Variants in GAK observed in about 807,000 individuals in gnomAD.
GAK encodes the protein cyclin G associated kinase.
A neutral mutation model predicts 143.9 loss-of-function variants in GAK; 79 were observed. That is an observed-to-expected ratio of 0.55 (90% CI 0.46 to 0.66). The LOEUF is 0.66. Among genes scored for constraint, GAK ranks in the 30% least tolerant of loss-of-function variants. The pLI, the probability that GAK is intolerant of heterozygous loss-of-function variation, is 0.00. For missense variants in GAK, 1,693 were observed against 1,779.7 expected, an observed-to-expected ratio of 0.95 and a Z score of 0.88; for synonymous variants, 881 against 765.5, an observed-to-expected ratio of 1.15 and a Z score of -2.49.
In GAK at chr4:849,923, C is replaced by T. The variant is rs1388117475; in HGVS notation, c.3803G>A (p.Arg1268His). The T allele has an allele frequency of 5.0e-6, 8 of 1,608,628 alleles. No individual in the cohort carries two copies. The highest frequency in any genetic ancestry group is 4.0e-5 in the African/African-American group (3 of 74,132). Residue 1268 changes from arginine (R) to histidine (H), a missense_variant, in exon 27 of 28, where the codon CGC (arginine) becomes CAC (histidine). Arg to His is a conservative substitution (Grantham distance 29). Coordinates refer to ENST00000314167, the MANE Select transcript of GAK (RefSeq NM_005255.4). The part of the protein sequence containing the change: ...VAPEQVKKHY[R>H]RAVLAVHPDK... ...GGGGTGCACAGCCAGCACCGCGCGG[C>T]GATAGTGCTTCTTCACTTGCTCCGG...
intron 1 of GAK, among the ~76,000 whole-genome samples, chr4:916,772 G>A (rs1274137145): frequency 1.3e-5 from 2 of 152,178 alleles, no homozygotes; most frequent in African/African-American, 4.8e-5. Flanking sequence ...AATCACTCTG[G>A]AAAACATGTT....
At chr4:922,190 C>T (rs140475882) in intron 1 of GAK, among the ~76,000 whole-genome samples, 20 of 152,226 alleles carry the variant, frequency 1.3e-4, no homozygotes, top group African/African-American at 4.6e-4. Flanking sequence ...AAGATGAAGA[C>T]ACACCAGAGA....
intron 1 of GAK, among the ~76,000 whole-genome samples, chr4:928,786 G>A (rs1468291572): frequency 1.3e-5 from 2 of 151,708 alleles, no homozygotes; most frequent in East Asian, 3.9e-4. Flanking sequence ...TTGGTGAGAC[G>A]GAGATTTACT....
At chr4:914,830 C>T (rs1430468980) in intron 1 of GAK, among the ~76,000 whole-genome samples, 6 of 133,342 alleles carry the variant, frequency 4.5e-5, no homozygotes, top group Admixed American at 7.6e-5. Flanking sequence ...CCAACGTACA[C>T]GGCCCCCAAC....
Position 876,580 on chromosome 4 carries a change from C to A in GAK, c.2004G>T (p.Gln668His), listed in dbSNP as rs1157486610. Residue 668 changes from glutamine (Q) to histidine (H), a missense_variant, in exon 18 of 28, where the codon CAG (glutamine) becomes CAT (histidine). This residue lies in a region of GAK where 871 missense variants were observed against 991.0 expected (regional missense o/e 0.88). Coordinates refer to ENST00000314167, the MANE Select transcript of GAK (RefSeq NM_005255.4). Reference protein sequence around the residue: ...KMASMKMFQIQFHTGFVPRNA... With the variant: ...KMASMKMFQIHFHTGFVPRNA... ...TCCGAGGCACAAACCCCGTGTGGAA[C>A]TGAATCTGGAACATCTTCATGGATG... 6.2e-7 allele frequency: 1 copy of A among 1,614,216 alleles called. No individual in the cohort carries two copies. The highest frequency in any genetic ancestry group is 8.5e-7 in the Non-Finnish European group (1 of 1,180,044).
chr4:856,328 AC>A (rs1468707173), intron 24 of GAK, among the ~76,000 whole-genome samples: 6 of 116,972 alleles, frequency 5.1e-5, no homozygotes, highest in African/African-American at 1.1e-4. Context: ...ACACCTGCTC[AC>A]CACAGCTGCT....
chr4:865,973 T>C (rs774060424), intron 22 of GAK, among the ~76,000 whole-genome samples: 31 of 152,212 alleles, frequency 2.0e-4, no homozygotes, highest in Non-Finnish European at 4.0e-4. Flanking sequence ...CCAGGTCAGC[T>C]TCCCGGACCC....
intron 21 of GAK, among the ~76,000 whole-genome samples, 182 bp downstream of exon 21, chr4:866,774 C>A (rs1159764469): frequency 1.3e-5 from 2 of 152,192 alleles, no homozygotes. Context: ...GCTCCCGGCC[C>A]GTGAGCTCAG....
At chr4:909,418 T>C (rs1018456847) in intron 4 of GAK, among the ~76,000 whole-genome samples, 2 of 152,070 alleles carry the variant, frequency 1.3e-5, no homozygotes, top group African/African-American at 2.4e-5. Flanking sequence ...CACAGGAGCC[T>C]TGACGAGGCC....
At chr4:927,758 C>T (rs1358245758) in intron 1 of GAK, among the ~76,000 whole-genome samples, 6 of 151,312 alleles carry the variant, frequency 4.0e-5, no homozygotes, top group Non-Finnish European at 7.4e-5. Flanking sequence ...CTGCCCCGCA[C>T]CCCTCCCTGC....
intron 20 of GAK, 63 bp from the exon 21 acceptor site, chr4:867,495 GGC>G (rs1751424637): frequency 8.1e-7 from 1 of 1,238,696 alleles, no homozygotes; most frequent in African/African-American, 1.5e-5. Context: ...GGGTCCCCAC[GGC>G]GCGTCCCTTC....
At chr4:881,176 T>G (rs1392008097) in intron 15 of GAK, among the ~76,000 whole-genome samples, 1 of 152,168 alleles carries the variant, frequency 6.6e-6, no homozygotes, top group African/African-American at 2.4e-5. Flanking sequence ...CCCCTGACGC[T>G]TGGGTCCCTC....
intron 1 of GAK, among the ~76,000 whole-genome samples, chr4:914,784 C>G: frequency 7.4e-6 from 1 of 135,456 alleles, no homozygotes; most frequent in African/African-American, 2.8e-5. Context: ...CCAACACACA[C>G]AGCCCCAGTG....
chr4:893,236 A>T, intron 9 of GAK, 141 bp downstream of exon 9: 2 of 421,448 alleles, frequency 4.7e-6, no homozygotes, highest in Admixed American at 4.9e-5. Context: ...TAGGAGACTT[A>T]GGGTTCACGT....
At chr4:899,693 T>A (rs1719494166) in intron 5 of GAK, among the ~76,000 whole-genome samples, 2 of 152,052 alleles carry the variant, frequency 1.3e-5, no homozygotes, top group Non-Finnish European at 2.9e-5. Context: ...AGCCGTGGCA[T>A]CCAAGAGTGC....
At chr4:923,699 G>A (rs1423192798) in intron 1 of GAK, among the ~76,000 whole-genome samples, 1 of 151,930 alleles carries the variant, frequency 6.6e-6, no homozygotes, top group Non-Finnish European at 1.5e-5. Context: ...GAGGGGTGGG[G>A]AGTGGAGGCA....
rs940497757 is a variant in GAK, at chr4:849,530, C to T, written c.*143G>A. On this transcript the variant is annotated 3_prime_UTR_variant, in exon 28 of 28. Coordinates refer to ENST00000314167, the MANE Select transcript of GAK (RefSeq NM_005255.4). ...ATGCTTTCTCTTCATGTGCCTGGAA[C>T]GCTGGGCGGGCGGTGACCCGGGGCT... The T allele has an allele frequency of 5.8e-5, 36 of 625,478 alleles. No homozygotes were observed. Among genetic ancestry groups the T allele is most frequent in the Admixed American group, 2.8e-5 (1 of 35,274 alleles). The allele number at this position is 625,478 out of a possible 1,614,324, so 38.7% of individuals were successfully genotyped here.
chr4:872,068 G>A (rs1426200586), intron 18 of GAK, among the ~76,000 whole-genome samples: 2 of 152,216 alleles, frequency 1.3e-5, no homozygotes, highest in Non-Finnish European at 2.9e-5. Context: ...GGGATCCGCC[G>A]AGGGAGGGCA....
At chr4:888,771 G>T in intron 11 of GAK, 76 bp downstream of exon 11, 1 of 1,525,868 alleles carries the variant, frequency 6.6e-7, no homozygotes, top group Non-Finnish European at 8.8e-7. Flanking sequence ...TTCCACCGCA[G>T]CCAGGAAGCA....
Sources: gnomAD v4.1 joint callset for allele counts (sites outside exome capture counted in the v4.1 genomes callset) on GRCh38, gnomAD v4.1.1 for gene constraint, gnomAD v4.1.1 regional missense constraint, MANE v1.5 for transcripts, NCBI Gene and HGNC (gene_info 2026-07-23, HGNC 2026-07-21) for gene names.